The following PRKN variants were observed in gnomAD, a reference collection of about 807,000 sequenced individuals.
PRKN encodes parkin RBR E3 ubiquitin protein ligase.
A neutral mutation model predicts 59.5 loss-of-function variants in PRKN; 56 were observed. The ratio of observed to expected loss-of-function variants is 0.94; its 90% CI spans 0.76 to 1.18. The LOEUF is 1.18. PRKN is among the 50% of genes most tolerant of loss of function. The pLI, the probability that PRKN is intolerant of heterozygous loss-of-function variation, is 0.00. For synonymous variants in PRKN, 250 were observed against 222.1 expected (o/e 1.13, Z -1.12); for missense variants, 657 against 596.4 (o/e 1.10, Z -1.06).
intron 7 of PRKN, among the ~76,000 whole-genome samples, chr6:161,775,812 T>C (rs899032837): frequency 1.3e-5 from 2 of 152,154 alleles, no homozygotes; most frequent in African/African-American, 4.8e-5. Context: ...TATCTCTGTA[T>C]CTAAACAGGA....
chr6:161,932,162 T>C (rs908270346), intron 6 of PRKN, among the ~76,000 whole-genome samples: 1 of 152,116 alleles, frequency 6.6e-6, no homozygotes, highest in Admixed American at 6.5e-5. Context: ...GTTAACATAA[T>C]TAAGATTAAT....
intron 10 of PRKN, chr6:161,370,108 G>T: frequency 3.3e-6 from 1 of 303,988 alleles, no homozygotes; most frequent in Admixed American, 2.9e-5. Context: ...AAAGACCACT[G>T]AAGGCCTGGA....
chr6:161,950,854 G>A, intron 6 of PRKN, among the ~76,000 whole-genome samples: 1 of 151,686 alleles, frequency 6.6e-6, no homozygotes, highest in Non-Finnish European at 1.5e-5. Context: ...AAAAGCCTCA[G>A]GCGAAGGGCT....
At chr6:161,701,279 C>T (rs762880408) in intron 7 of PRKN, among the ~76,000 whole-genome samples, 1 of 152,198 alleles carries the variant, frequency 6.6e-6, no homozygotes, top group African/African-American at 2.4e-5. Context: ...TTTTGAAACA[C>T]AGTTTCCATT....
At chr6:161,789,030 G>A (rs1790537688) in intron 6 of PRKN, among the ~76,000 whole-genome samples, 1 of 152,182 alleles carries the variant, frequency 6.6e-6, no homozygotes, top group Admixed American at 6.5e-5. Context: ...TAAAGACGGT[G>A]TATATGTGCA....
Position 161,484,603 on chromosome 6 carries a change from C to G in PRKN, c.1083+64251G>C, listed in dbSNP as rs1791567003. On this transcript the variant is annotated intron_variant, in intron 9 of 11. Coordinates refer to ENST00000366898, the MANE Select transcript of PRKN (RefSeq NM_004562.3). This position sits in a 1 kb window ranked among gnomAD's most constrained non-coding sequence, Gnocchi z 4.9. ...AGCAAGCTGTGGGTACGGACGGCATCAGAACTAAACGCAGGGAGTCTGACT... is the reference window on the plus strand; with the variant it reads ...AGCAAGCTGTGGGTACGGACGGCATGAGAACTAAACGCAGGGAGTCTGACT... Among the ~76,000 whole-genome samples the G allele has an allele frequency of 6.6e-6, 1 of 152,098 alleles. No homozygotes were observed. Among genetic ancestry groups the G allele is most frequent in the Non-Finnish European group, 1.5e-5 (1 of 68,036 alleles).
chr6:162,549,508 C>T (rs1779247925), intron 1 of PRKN, among the ~76,000 whole-genome samples: 1 of 152,108 alleles, frequency 6.6e-6, no homozygotes, highest in African/African-American at 2.4e-5. Flanking sequence ...ATTTACTTAA[C>T]TTTTATTATT....
intron 1 of PRKN, among the ~76,000 whole-genome samples, chr6:162,463,116 T>C (rs912391189): frequency 1.3e-5 from 2 of 152,152 alleles, no homozygotes; most frequent in Non-Finnish European, 2.9e-5. Flanking sequence ...CACGTCATCT[T>C]TGAGCATGTT....
intron 7 of PRKN, among the ~76,000 whole-genome samples, chr6:161,580,559 C>G (rs1781298668): frequency 6.6e-6 from 1 of 152,052 alleles, no homozygotes; most frequent in Non-Finnish European, 1.5e-5. Context: ...TCACTGCAAC[C>G]TCTGCCTCCC....
intron 2 of PRKN, among the ~76,000 whole-genome samples, chr6:162,331,664 T>C (rs1242221394): frequency 6.6e-6 from 1 of 152,200 alleles, no homozygotes; most frequent in East Asian, 1.9e-4. Context: ...TGTCAGTAAA[T>C]AGTTGGAATT....
rs1479291881 is a variant in PRKN, at chr6:161,488,618, T to A, written c.1083+60236A>T. 6.6e-6 allele frequency among the ~76,000 whole-genome samples: 1 copy of A among 151,982 alleles called. No homozygotes were observed. Among genetic ancestry groups the A allele is most frequent in the Non-Finnish European group, 1.5e-5 (1 of 67,994 alleles). Reference sequence around the variant, plus strand: ...TTCCTGCCTCAGCCTCCTGAGTAGGTGGGACTAAAGGCATGCACCACCACA... The same window carrying A: ...TTCCTGCCTCAGCCTCCTGAGTAGGAGGGACTAAAGGCATGCACCACCACA... On this transcript the variant is annotated intron_variant, in intron 9 of 11. Coordinates refer to ENST00000366898, the MANE Select transcript of PRKN (RefSeq NM_004562.3). The surrounding 1 kb of genome is among the most constrained non-coding windows in gnomAD (Gnocchi z 4.5).
chr6:161,722,233 C>T lies in PRKN; in HGVS notation c.871+63539G>A, dbSNP rs543121064. On this transcript the variant is annotated intron_variant, in intron 7 of 11. Coordinates refer to ENST00000366898, the MANE Select transcript of PRKN (RefSeq NM_004562.3). The stretch of plus-strand genomic sequence containing the variant: ...GGAAAAGCAGGAAAGCACAAATCCC[C>T]ATAATGCCCCCAGCATACAAATATC... Among the ~76,000 whole-genome samples, 4 of 147,994 alleles carry T rather than the reference C, an allele frequency of 2.7e-5. No homozygotes were observed. The East Asian group carries it at 8.0e-4, about 30-fold the overall frequency.
intron 1 of PRKN, among the ~76,000 whole-genome samples, chr6:162,525,573 T>C (rs1480996984): frequency 2.0e-5 from 3 of 152,220 alleles, no homozygotes; most frequent in Non-Finnish European, 4.4e-5. Flanking sequence ...CTGCCTTACA[T>C]TTCTCCTTAG....
At chr6:162,234,900 AAAC>A (rs1183343821) in intron 3 of PRKN, among the ~76,000 whole-genome samples, 13 of 152,198 alleles carry the variant, frequency 8.5e-5, no homozygotes, top group African/African-American at 3.1e-4. Flanking sequence ...TCATCTGGAA[AAAC>A]AACTGGCAGT....
chr6:161,858,108 G>A (rs1294330382), intron 6 of PRKN, among the ~76,000 whole-genome samples: 1 of 152,162 alleles, frequency 6.6e-6, no homozygotes, highest in Non-Finnish European at 1.5e-5. Context: ...TACTAATAAT[G>A]GAACAAAAAT....
At chr6:161,880,179 A>G (rs1406299925) in intron 6 of PRKN, among the ~76,000 whole-genome samples, 1 of 152,226 alleles carries the variant, frequency 6.6e-6, no homozygotes, top group East Asian at 1.9e-4. Flanking sequence ...ATAGACAATG[A>G]ATTTCAATAT....
intron 4 of PRKN, among the ~76,000 whole-genome samples, chr6:162,076,871 T>C (rs77944729): frequency 0.011 from 1,743 of 152,252 alleles, 46 homozygotes; most frequent in African/African-American, 0.041. Flanking sequence ...TTATAAATCA[T>C]TGACTTTCTT....
Position 162,183,134 on chromosome 6 carries a change from C to T in PRKN, c.534+17997G>A, listed in dbSNP as rs577904338. 6.6e-5 allele frequency among the ~76,000 whole-genome samples: 10 copies of T among 152,272 alleles called. 2 individuals are homozygous for T. Among genetic ancestry groups the T allele is most frequent in the Middle Eastern group, 3.4e-3 (1 of 294 alleles). ...GCAGATAAATTCCTGTCCAGAAGCA[C>T]GGTGCTACCTTCAGCATTTAAATGT... On this transcript the variant is annotated intron_variant, in intron 4 of 11. Coordinates refer to ENST00000366898, the MANE Select transcript of PRKN (RefSeq NM_004562.3).
intron 4 of PRKN, among the ~76,000 whole-genome samples, chr6:162,079,191 A>T (rs1198857834): frequency 6.6e-6 from 1 of 152,158 alleles, no homozygotes; most frequent in East Asian, 1.9e-4. Flanking sequence ...GTCAAGTGGA[A>T]GGTGTAGCGG....
Sources: gnomAD v4.1 joint callset for allele counts (sites outside exome capture counted in the v4.1 genomes callset) on GRCh38, gnomAD v4.1.1 for gene constraint, Gnocchi (gnomAD v3.1) non-coding constraint, MANE v1.5 for transcripts, NCBI Gene and HGNC (gene_info 2026-07-23, HGNC 2026-07-21) for gene names.